Variants in PDE4D observed in about 807,000 individuals in gnomAD.
PDE4D encodes phosphodiesterase 4D, also known as 3',5'-cyclic-AMP phosphodiesterase 4D.
PDE4D carries 24 observed loss-of-function variants against 87.4 expected under a neutral mutation model. The ratio of observed to expected loss-of-function variants is 0.27; its 90% CI spans 0.20 to 0.39. PDE4D has a LOEUF of 0.39. Among genes scored for constraint, PDE4D ranks in the 10% least tolerant of loss-of-function variants. The probability of loss-of-function intolerance (pLI) is 1.00; values close to 1 mark genes in which losing one functional copy is unlikely to be tolerated. For missense variants in PDE4D, 714 were observed against 1,041.0 expected (o/e 0.69, Z 4.32); for synonymous variants, 384 against 383.2 (o/e 1.00, Z -0.02).
At chr5:59,780,983 G>A (rs191507387) in intron 1 of PDE4D, among the ~76,000 whole-genome samples, 1 of 151,830 alleles carries the variant, frequency 6.6e-6, no homozygotes, top group Admixed American at 6.6e-5. Flanking sequence ...CCTGACTAAC[G>A]TGGTGAAACC....
chr5:59,406,298 T>C (rs1791604745), intron 1 of PDE4D, among the ~76,000 whole-genome samples: 1 of 151,812 alleles, frequency 6.6e-6, no homozygotes, highest in African/African-American at 2.4e-5. Flanking sequence ...GGTTTTCCAA[T>C]TTATTTGCAT....
At chr5:59,817,486 T>C (rs1016386742) in intron 1 of PDE4D, among the ~76,000 whole-genome samples, 1 of 152,168 alleles carries the variant, frequency 6.6e-6, no homozygotes, top group African/African-American at 2.4e-5. Flanking sequence ...CTATGGACTG[T>C]ATTGCGTCCC....
chr5:60,427,541 G>C (rs1304076428), intron 1 of PDE4D, among the ~76,000 whole-genome samples: 1 of 152,174 alleles, frequency 6.6e-6, no homozygotes, highest in Admixed American at 6.5e-5. Context: ...ATCACCAGCA[G>C]ACCTACACTA....
chr5:60,226,627 C>A (rs1270435785), intron 1 of PDE4D, among the ~76,000 whole-genome samples: 1 of 152,056 alleles, frequency 6.6e-6, no homozygotes, highest in African/African-American at 2.4e-5. Context: ...GGAAGGTCAA[C>A]TGTAGGCAAA....
intron 5 of PDE4D, among the ~76,000 whole-genome samples, chr5:59,149,876 T>A (rs1243208281): frequency 6.6e-6 from 1 of 152,100 alleles, no homozygotes; most frequent in African/African-American, 2.4e-5. Context: ...TATTGTGCCA[T>A]CTAAGCACTT....
intron 1 of PDE4D, among the ~76,000 whole-genome samples, chr5:59,829,575 T>C (rs1319670470): frequency 6.6e-6 from 1 of 152,034 alleles, no homozygotes; most frequent in African/African-American, 2.4e-5. Context: ...AATCTTGAGA[T>C]TTTGGTTAAC....
At chr5:59,578,486 G>A (rs1006715285) in intron 1 of PDE4D, among the ~76,000 whole-genome samples, 23 of 152,138 alleles carry the variant, frequency 1.5e-4, no homozygotes, top group African/African-American at 5.1e-4. Context: ...ATAATACTTT[G>A]TGTAAATAAT....
At chr5:60,093,585 CCACT>C (rs1775362139) in intron 2 of PDE4D, among the ~76,000 whole-genome samples, 1 of 152,072 alleles carries the variant, frequency 6.6e-6, no homozygotes, top group Non-Finnish European at 1.5e-5. Flanking sequence ...TGCCTTACCC[CCACT>C]CTGTCTTGAA....
chr5:59,426,672 A>C (rs1158001011), intron 1 of PDE4D, among the ~76,000 whole-genome samples: 1 of 152,068 alleles, frequency 6.6e-6, no homozygotes, highest in Non-Finnish European at 1.5e-5. Flanking sequence ...GTGAGGTAAA[A>C]CATGACACCC....
At chr5:59,985,222 T>G (rs2152828462) in intron 3 of PDE4D, among the ~76,000 whole-genome samples, 1 of 147,996 alleles carries the variant, frequency 6.8e-6, no homozygotes, top group South Asian at 2.2e-4. Context: ...CACTGCAACC[T>G]CTGCCTCCCG....
intron 2 of PDE4D, among the ~76,000 whole-genome samples, chr5:59,992,559 T>C (rs994251445): frequency 4.6e-5 from 7 of 152,204 alleles, no homozygotes; most frequent in Non-Finnish European, 8.8e-5. Flanking sequence ...GCACTAAATA[T>C]AGCTGGCCAA....
chr5:59,199,468 T>C (rs1353821924), intron 2 of PDE4D, among the ~76,000 whole-genome samples: 1 of 152,114 alleles, frequency 6.6e-6, no homozygotes, highest in Admixed American at 6.6e-5. Context: ...TCCTCTGAAG[T>C]TTGTCAATAG....
At chr5:60,390,399 C>T (rs1303026315) in intron 1 of PDE4D, among the ~76,000 whole-genome samples, 1 of 152,174 alleles carries the variant, frequency 6.6e-6, no homozygotes, top group Non-Finnish European at 1.5e-5. Flanking sequence ...CCCAATTCTG[C>T]CTGTTTCCAG....
At chr5:59,824,800 C>A (rs1290327899) in intron 1 of PDE4D, among the ~76,000 whole-genome samples, 2 of 152,118 alleles carry the variant, frequency 1.3e-5, no homozygotes, top group African/African-American at 4.8e-5. Flanking sequence ...CCTTATCATC[C>A]CAGCTCAAAT....
Position 59,539,471 on chromosome 5 carries a change from TAAG to T in PDE4D, c.456-323506_456-323504del, listed in dbSNP as rs1423085837. 3.9e-5 allele frequency among the ~76,000 whole-genome samples: 6 copies of T among 152,288 alleles called. No homozygotes were observed. In the East Asian group the frequency reaches 1.2e-3, roughly 29 times the overall value. On this transcript the variant is annotated intron_variant, in intron 1 of 14. Coordinates refer to ENST00000340635, the MANE Select transcript of PDE4D (RefSeq NM_001104631.2). ...GGTAAGAGCTATAGCAGCCATTACT[TAAG>T]AAGAGAGTTAAATTACTAATATCTG... is the stretch of plus-strand genomic sequence containing the variant.
At chr5:60,023,398 G>T (rs1766283432) in intron 2 of PDE4D, among the ~76,000 whole-genome samples, 1 of 152,028 alleles carries the variant, frequency 6.6e-6, no homozygotes, top group South Asian at 2.1e-4. Flanking sequence ...GCTCATAGCT[G>T]CCTGACTCAA....
chr5:60,510,801 G>A (rs867632476), intron 1 of PDE4D, among the ~76,000 whole-genome samples: 1 of 152,196 alleles, frequency 6.6e-6, no homozygotes, highest in South Asian at 2.1e-4. Context: ...TGGGAGTTAA[G>A]TGGTAAGGCA....
intron 1 of PDE4D, among the ~76,000 whole-genome samples, chr5:59,531,694 G>A (rs1277058268): frequency 6.6e-6 from 1 of 152,132 alleles, no homozygotes; most frequent in South Asian, 2.1e-4. Flanking sequence ...AGTTGCATCT[G>A]TCTGACCCTT....
chr5:59,875,669 T>C (rs1296442779), intron 1 of PDE4D, among the ~76,000 whole-genome samples: 2 of 151,930 alleles, frequency 1.3e-5, no homozygotes, highest in African/African-American at 2.4e-5. Context: ...CATATTTTCC[T>C]AGTAACTTCC....
Sources: allele counts gnomAD v4.1 joint callset (sites outside exome capture counted in the v4.1 genomes callset), GRCh38; gene constraint gnomAD v4.1.1; transcripts MANE v1.5; gene names NCBI Gene and HGNC (gene_info 2026-07-23, HGNC 2026-07-21).